NCF4: variants seen among roughly 807,000 people sequenced by gnomAD.
NCF4 encodes the protein neutrophil cytosolic factor 4, also known as neutrophil cytosol factor 4.
A neutral mutation model predicts 41.7 loss-of-function variants in NCF4; 30 were observed. The observed-to-expected ratio is 0.72, with a 90% CI of 0.54 to 0.97. NCF4 has a LOEUF of 0.97. Ranked by LOEUF, NCF4 falls within the 50% of genes least tolerant of loss-of-function variation. The probability of loss-of-function intolerance (pLI) is 0.00; values close to 1 mark genes in which losing one functional copy is unlikely to be tolerated. For synonymous variants in NCF4, 195 were observed against 175.8 expected (o/e 1.11, Z -0.87); for missense variants, 432 against 460.9 (o/e 0.94, Z 0.57).
rs1423621537 is a variant in NCF4, at chr22:36,861,588, G to A, written c.32+385G>A. ...TTCACAGAATCTGGCTTGTTCTTCC[G>A]CTAATCAGGGCTTGCCTCAAATGTC... On this transcript the variant is annotated intron_variant, in intron 1 of 9. Transcript: ENST00000248899. Among the ~76,000 whole-genome samples, 3 of 152,152 alleles carry A rather than the reference G, an allele frequency of 2.0e-5. No individual in the cohort carries two copies. The South Asian group carries it at 6.2e-4, about 32-fold the overall frequency.
At chr22:36,875,524 C>T (rs768130881) in intron 7 of NCF4, 129 bp from the exon 8 acceptor site, 1 of 829,088 alleles carries the variant, frequency 1.2e-6, no homozygotes, top group Non-Finnish European at 2.0e-6. Context: ...GCTTTCCCTC[C>T]TCCCTCTACA....
At chr22:36,862,647 C>A (rs940943536) in intron 1 of NCF4, among the ~76,000 whole-genome samples, 2 of 152,180 alleles carry the variant, frequency 1.3e-5, no homozygotes, top group Admixed American at 1.3e-4. Flanking sequence ...GAGCCAGGTA[C>A]TAGGGGCATG....
Position 36,877,838 on chromosome 22 carries a change from T to C in NCF4, c.*15T>C. On this transcript the variant is annotated 3_prime_UTR_variant, in exon 10 of 10. Coordinates refer to ENST00000248899, the MANE Select transcript of NCF4 (RefSeq NM_000631.5). ...CGATGCCATGAGCTGACGGTGTCCC[T>C]GGAGCAGTGAGGGGACACCAGCAAA... 1 of 1,608,310 alleles carries C rather than the reference T, an allele frequency of 6.2e-7. No individual in the cohort carries two copies. The highest frequency in any genetic ancestry group is 8.5e-7 in the Non-Finnish European group (1 of 1,176,802).
intron 4 of NCF4, among the ~76,000 whole-genome samples, 167 bp downstream of exon 4, chr22:36,867,629 C>T (rs901658751): frequency 4.6e-5 from 7 of 152,286 alleles, no homozygotes; most frequent in African/African-American, 1.4e-4. Flanking sequence ...AAACAGGATG[C>T]GTCCTTAGGG....
intron 6 of NCF4, among the ~76,000 whole-genome samples, 164 bp downstream of exon 6, chr22:36,871,873 G>C (rs976655323): frequency 1.3e-5 from 2 of 152,264 alleles, no homozygotes; most frequent in African/African-American, 4.8e-5. Context: ...TGCCACTGGG[G>C]GTCCCCCGAG....
Position 36,875,799 on chromosome 22 carries a change from G to C in NCF4, c.758+16G>C, listed in dbSNP as rs377257592. ...GCACCATCAAGTCTGTGGCCTGGGA[G>C]GGAGGGGCCTGTCCAGCCTTCCTGC... On this transcript the variant is annotated intron_variant, in intron 8 of 9. Transcript: ENST00000248899. The C allele has an allele frequency of 8.7e-6, 14 of 1,614,064 alleles. No homozygotes were observed. Among genetic ancestry groups the C allele is most frequent in the Non-Finnish European group, 1.2e-5 (14 of 1,180,040 alleles).
chr22:36,874,326 T>C (rs536987295), intron 7 of NCF4, among the ~76,000 whole-genome samples: 11 of 152,310 alleles, frequency 7.2e-5, no homozygotes, highest in South Asian at 4.1e-4. Flanking sequence ...GTGGGGAGTG[T>C]TGAAGGAGGT....
chr22:36,870,294 G>C (rs1450041978), intron 4 of NCF4, 121 bp from the exon 5 acceptor site: 2 of 1,346,574 alleles, frequency 1.5e-6, no homozygotes, highest in African/African-American at 1.4e-5. Context: ...CTGTTATCAG[G>C]CATCATGCAT....
Position 36,877,787 on chromosome 22 carries a change from G to A in NCF4, c.984G>A (p.Gln328=), listed in dbSNP as rs1392246313. ...RLFPWKLHIT[Q]KDNYRVYNTM... ...TCCCCTGGAAGCTGCACATCACGCA[G>A]AAGGACAACTACAGGGTCTACAACA... is the stretch of plus-strand genomic sequence containing the variant. The change falls in exon 10 of 10, where the codon CAG becomes CAA. Residue 328 remains glutamine, a synonymous_variant. Coordinates refer to ENST00000248899, the MANE Select transcript of NCF4 (RefSeq NM_000631.5). 2 of 1,614,086 alleles carry A rather than the reference G, an allele frequency of 1.2e-6. No individual in the cohort carries two copies. Among genetic ancestry groups the A allele is most frequent in the Non-Finnish European group, 1.7e-6 (2 of 1,179,998 alleles).
chr22:36,869,372 A>G (rs1392617716), intron 4 of NCF4, among the ~76,000 whole-genome samples: 1 of 152,190 alleles, frequency 6.6e-6, no homozygotes, highest in Non-Finnish European at 1.5e-5. Context: ...ATTAATGACC[A>G]TCTGGAGCCA....
At position 36,875,868 on chromosome 22, in the gene NCF4, C is replaced by G. The variant is rs1344589085; in HGVS notation, c.758+85C>G. ...CCCTCACATCACCTTCTCATGGGTC[C>G]CTCTCCCACTCCAAAGCCCCCAGTG... On this transcript the variant is annotated intron_variant, in intron 8 of 9. Transcript: ENST00000248899. 1.2e-5 allele frequency: 20 copies of G among 1,613,968 alleles called. No homozygotes were observed. The highest frequency in any genetic ancestry group is 1.7e-5 in the Non-Finnish European group (20 of 1,180,002).
At chr22:36,876,257 T>C (rs966276383) in intron 9 of NCF4, among the ~76,000 whole-genome samples, 163 bp downstream of exon 9, 3 of 152,166 alleles carry the variant, frequency 2.0e-5, no homozygotes, top group Admixed American at 6.5e-5. Context: ...CTCCCCACTT[T>C]AGAGATGAGC....
chr22:36,867,110 CGTGTGTGT>C (rs3221695), intron 3 of NCF4, among the ~76,000 whole-genome samples: 15 of 143,874 alleles, frequency 1.0e-4, no homozygotes, highest in Middle Eastern at 3.5e-3. Flanking sequence ...AACTAAGAGT[CGTGTGTGT>C]GTGTGTGTGT....
intron 4 of NCF4, among the ~76,000 whole-genome samples, chr22:36,868,722 C>T (rs1408074003): frequency 6.6e-6 from 1 of 152,124 alleles, no homozygotes; most frequent in East Asian, 1.9e-4. Flanking sequence ...AACTGGGGCT[C>T]CTCATTCCAC....
intron 5 of NCF4, 37 bp downstream of exon 5, chr22:36,870,579 G>C (rs1271242341): frequency 5.6e-6 from 9 of 1,606,366 alleles, no homozygotes; most frequent in Non-Finnish European, 7.6e-6. Context: ...CATGGCCAGA[G>C]CCCTGGGTCC....
Position 36,861,065 on chromosome 22 carries a change from C to A in NCF4, c.-107C>A, listed in dbSNP as rs1405663011. ...GGCAGCTCCTGGGGACTCCCAGGAC[C>A]ACAGGCTGAGACGAGACGCAGGGTG... On this transcript the variant is annotated 5_prime_UTR_variant, in exon 1 of 10. Transcript: ENST00000248899. 14 of 1,467,676 alleles carry A rather than the reference C, an allele frequency of 9.5e-6. No homozygotes were observed. Among genetic ancestry groups the A allele is most frequent in the Non-Finnish European group, 8.4e-6 (9 of 1,071,748 alleles). 90.9% of individuals were successfully genotyped at this position (1,467,676 alleles called of 1,614,324 possible).
At chr22:36,873,418 G>A (rs1331722683) in intron 7 of NCF4, among the ~76,000 whole-genome samples, 1 of 152,022 alleles carries the variant, frequency 6.6e-6, no homozygotes, top group Non-Finnish European at 1.5e-5. Context: ...GAGATTAGAG[G>A]TGAGGCTGGA....
rs35301252 is a variant in NCF4 at position 36,862,267 on chromosome 22, T to C, written c.32+1064T>C. Reference sequence around the variant, plus strand: ...CTACGCGGGGAACAGAAGGCCCATGTTGGGGCCTGGGGCTGGAAGTAGAAC... The same window carrying C: ...CTACGCGGGGAACAGAAGGCCCATGCTGGGGCCTGGGGCTGGAAGTAGAAC... On this transcript the variant is annotated intron_variant, in intron 1 of 9. Transcript: ENST00000248899. Among the ~76,000 whole-genome samples the C allele has an allele frequency of 5.0e-3, 760 of 152,190 alleles. 4 individuals are homozygous for C. The highest frequency in any genetic ancestry group is 0.017 in the African/African-American group (702 of 41,522).
At chr22:36,873,921 G>A (rs1940138133) in intron 7 of NCF4, among the ~76,000 whole-genome samples, 1 of 152,260 alleles carries the variant, frequency 6.6e-6, no homozygotes, top group South Asian at 2.1e-4. Flanking sequence ...AAAAGCTGCT[G>A]ATGAAGAGTG....
Sources: gnomAD v4.1 joint callset for allele counts (sites outside exome capture counted in the v4.1 genomes callset) on GRCh38, gnomAD v4.1.1 for gene constraint, MANE v1.5 for transcripts, NCBI Gene and HGNC (gene_info 2026-07-23, HGNC 2026-07-21) for gene names.